PLCL1: variants seen among roughly 807,000 people sequenced by gnomAD.
PLCL1 encodes inactive phospholipase C-like protein 1.
PLCL1 carries 41 observed loss-of-function variants against 84.4 expected under a neutral mutation model. That is an observed-to-expected ratio of 0.49 (90% CI 0.38 to 0.63). The LOEUF (loss-of-function observed/expected upper bound fraction) is 0.63, where lower values mean the gene tolerates loss of function less well. Ranked by LOEUF, PLCL1 falls within the 30% of genes least tolerant of loss-of-function variation. PLCL1 has a pLI of 0.00. For missense variants in PLCL1, 1,206 were observed against 1,367.8 expected, an observed-to-expected ratio of 0.88 and a Z score of 1.87; for synonymous variants, 490 against 488.3, an observed-to-expected ratio of 1.00 and a Z score of -0.05.
intron 5 of PLCL1, among the ~76,000 whole-genome samples, chr2:198,133,954 G>A (rs1694190760): frequency 6.6e-6 from 1 of 152,132 alleles, no homozygotes; most frequent in Non-Finnish European, 1.5e-5. Flanking sequence ...TAAGAGTATT[G>A]TAGTTATACA....
chr2:198,055,324 T>TCC (rs1692038137), intron 1 of PLCL1, among the ~76,000 whole-genome samples: 1 of 109,040 alleles, frequency 9.2e-6, no homozygotes, highest in African/African-American at 4.4e-5. Context: ...TCTCTCTCTC[T>TCC]CTCTCTGTGT....
intron 1 of PLCL1, among the ~76,000 whole-genome samples, chr2:198,082,378 A>G (rs993264235): frequency 6.6e-6 from 1 of 151,966 alleles, no homozygotes; most frequent in Non-Finnish European, 1.5e-5. Context: ...CGGGAGGCGG[A>G]GGTTGCATTG....
chr2:197,879,579 G>A (rs1196377753), intron 1 of PLCL1, among the ~76,000 whole-genome samples: 1 of 152,124 alleles, frequency 6.6e-6, no homozygotes, highest in Non-Finnish European at 1.5e-5. Context: ...ATTTCTTTAT[G>A]CTTTGGACAA....
Position 197,879,988 on chromosome 2 carries a change from G to A in PLCL1, c.240+74649G>A, listed in dbSNP as rs143203220. 5.6e-3 allele frequency among the ~76,000 whole-genome samples: 846 copies of A among 152,178 alleles called. 5 individuals carry two copies. The highest frequency in any genetic ancestry group is 0.019 in the African/African-American group (810 of 41,540). ...AACTTGGAACGATTATATTTCTTTC[G>A]AAACAATTTTGTTTTCACATACTGC... On this transcript the variant is annotated intron_variant, in intron 1 of 5. Coordinates refer to ENST00000428675, the MANE Select transcript of PLCL1 (RefSeq NM_006226.4).
chr2:197,970,524 A>G (rs962643534), intron 1 of PLCL1, among the ~76,000 whole-genome samples: 1 of 152,252 alleles, frequency 6.6e-6, no homozygotes, highest in Non-Finnish European at 1.5e-5. Flanking sequence ...ACTTAGTATG[A>G]CAAAAAGTAT....
At position 198,083,003 on chromosome 2, in the gene PLCL1, TC is replaced by T. The variant is rs1436037629; in HGVS notation, c.241-752del. 3.3e-5 allele frequency among the ~76,000 whole-genome samples: 5 copies of T among 152,308 alleles called. No homozygotes were observed. The East Asian group carries it at 9.6e-4, about 29-fold the overall frequency. On this transcript the variant is annotated intron_variant, in intron 1 of 5. Coordinates refer to ENST00000428675, the MANE Select transcript of PLCL1 (RefSeq NM_006226.4). ...AATGGCATTTACAAGGTGCAAGTGT[TC>T]CCTGTAAATCTTCTGGCAAAGGGCT... is the stretch of plus-strand genomic sequence containing the variant.
At chr2:197,823,849 T>G (rs1043728248) in intron 1 of PLCL1, among the ~76,000 whole-genome samples, 1 of 152,162 alleles carries the variant, frequency 6.6e-6, no homozygotes, top group African/African-American at 2.4e-5. Context: ...TGTAAACCAC[T>G]CCTCAGTATG....
At chr2:197,897,933 T>A (rs1688186896) in intron 1 of PLCL1, among the ~76,000 whole-genome samples, 1 of 152,246 alleles carries the variant, frequency 6.6e-6, no homozygotes, top group Non-Finnish European at 1.5e-5. Flanking sequence ...CCCATTTGGA[T>A]TCATGATCAT....
chr2:197,950,745 C>T (rs978603033), intron 1 of PLCL1, among the ~76,000 whole-genome samples: 1 of 152,048 alleles, frequency 6.6e-6, no homozygotes, highest in South Asian at 2.1e-4. Flanking sequence ...TCAGATTTTA[C>T]TAAATCTAAG....
intron 1 of PLCL1, among the ~76,000 whole-genome samples, chr2:197,987,848 G>A (rs770011855): frequency 3.9e-5 from 6 of 152,156 alleles, no homozygotes; most frequent in Non-Finnish European, 7.3e-5. Context: ...TGTATTGTAT[G>A]TTTCAGTTTT....
At chr2:197,836,389 G>A (rs996120758) in intron 1 of PLCL1, among the ~76,000 whole-genome samples, 21 of 134,468 alleles carry the variant, frequency 1.6e-4, no homozygotes, top group African/African-American at 5.8e-4. Context: ...GGAGCTTGCA[G>A]TGAGCCGAGA....
At position 198,026,171 on chromosome 2, in the gene PLCL1, A is replaced by G. The variant is rs550151772; in HGVS notation, c.241-57587A>G. Among the ~76,000 whole-genome samples, 55 of 152,316 alleles carry G rather than the reference A, an allele frequency of 3.6e-4. No individual in the cohort carries two copies. The South Asian group carries it at 0.011, about 30-fold the overall frequency. ...TTTGCCATAGTTTTCTCTTGGGAAC[A>G]AAGTGTGTTATTGGGAACAAAGAGT... On this transcript the variant is annotated intron_variant, in intron 1 of 5. Transcript: ENST00000428675.
intron 1 of PLCL1, among the ~76,000 whole-genome samples, chr2:197,979,888 T>C (rs1264829304): frequency 6.6e-6 from 1 of 152,230 alleles, no homozygotes; most frequent in Non-Finnish European, 1.5e-5. Flanking sequence ...CCCCTTTCTG[T>C]GTTCCTATAC....
At chr2:198,122,473 A>G (rs1301232100) in intron 5 of PLCL1, among the ~76,000 whole-genome samples, 1 of 152,052 alleles carries the variant, frequency 6.6e-6, no homozygotes, top group Non-Finnish European at 1.5e-5. Flanking sequence ...CTCATCATAT[A>G]TCTAGTGCCA....
chr2:197,806,497 C>T (rs530728964), intron 1 of PLCL1, among the ~76,000 whole-genome samples: 3 of 152,186 alleles, frequency 2.0e-5, no homozygotes, highest in African/African-American at 7.2e-5. Flanking sequence ...TTTTTCCCAA[C>T]ACTGACACAT....
chr2:197,998,014 T>G (rs566313547), intron 1 of PLCL1, among the ~76,000 whole-genome samples: 1 of 152,152 alleles, frequency 6.6e-6, no homozygotes, highest in Non-Finnish European at 1.5e-5. Flanking sequence ...GGGCTCAGAA[T>G]TTGATAAGGC....
rs115435062 is a variant in PLCL1, at chr2:198,008,133, T to C, written c.241-75625T>C. Among the ~76,000 whole-genome samples, 1,158 of 152,236 alleles carry C rather than the reference T, an allele frequency of 7.6e-3. 18 individuals are homozygous for C. The highest frequency in any genetic ancestry group is 0.027 in the African/African-American group (1,106 of 41,574). On this transcript the variant is annotated intron_variant, in intron 1 of 5. Transcript: ENST00000428675. The stretch of plus-strand genomic sequence containing the variant: ...AGTTTGACTTAAAATCACAATGAAC[T>C]CTTCCAATTTTTTTCATACTATATT...
chr2:198,047,758 A>T (rs1195042091), intron 1 of PLCL1, among the ~76,000 whole-genome samples: 1 of 152,224 alleles, frequency 6.6e-6, no homozygotes, highest in Non-Finnish European at 1.5e-5. Context: ...AAGATGATAC[A>T]TTGGTAACTT....
chr2:197,987,022 A>C (rs1690233387), intron 1 of PLCL1, among the ~76,000 whole-genome samples: 1 of 152,238 alleles, frequency 6.6e-6, no homozygotes, highest in Non-Finnish European at 1.5e-5. Context: ...TTCTGACTTC[A>C]TATCCCATGT....
Sources: allele counts gnomAD v4.1 joint callset (sites outside exome capture counted in the v4.1 genomes callset), GRCh38; gene constraint gnomAD v4.1.1; transcripts MANE v1.5; gene names NCBI Gene and HGNC (gene_info 2026-07-23, HGNC 2026-07-21).